SLC44A1: variants seen among roughly 807,000 people sequenced by gnomAD.
The protein encoded by SLC44A1 is solute carrier family 44 member 1.
In SLC44A1, 26 loss-of-function variants were observed where a neutral mutation model predicts 79.3. That is an observed-to-expected ratio of 0.33 (90% CI 0.24 to 0.46). SLC44A1 has a LOEUF of 0.46. SLC44A1 is among the 20% of genes least tolerant of loss of function. The pLI, the probability that SLC44A1 is intolerant of heterozygous loss-of-function variation, is 1.00. For synonymous variants in SLC44A1, 263 were observed against 286.2 expected (o/e 0.92, Z 0.82); for missense variants, 688 against 798.1 (o/e 0.86, Z 1.66).
rs1331858525 is a variant in SLC44A1 at position 105,395,999 on chromosome 9, AGATTTT to A, written c.*6944_*6949del. The A allele has an allele frequency of 1.0e-6, 1 of 984,996 alleles. No homozygotes were observed. Among genetic ancestry groups the A allele is most frequent in the Non-Finnish European group, 1.2e-6 (1 of 829,860 alleles). 61.0% of individuals were successfully genotyped at this position (984,996 alleles called of 1,614,324 possible). On this transcript the variant is annotated 3_prime_UTR_variant, in exon 16 of 16. Coordinates refer to ENST00000374720, the MANE Select transcript of SLC44A1 (RefSeq NM_080546.5). ...TGATTTGAAACAGGGACTATTAAGT[AGATTTT>A]CCCCCATCCTCTAGGTTCCTGTAGT...
intron 2 of SLC44A1, among the ~76,000 whole-genome samples, chr9:105,300,885 C>T (rs1297760542): frequency 6.6e-6 from 1 of 151,794 alleles, no homozygotes; most frequent in Non-Finnish European, 1.5e-5. Flanking sequence ...AAGTGATTCT[C>T]CTTACACAGC....
At chr9:105,298,646 G>A (rs1830793399) in intron 1 of SLC44A1, among the ~76,000 whole-genome samples, 1 of 152,074 alleles carries the variant, frequency 6.6e-6, no homozygotes, top group Non-Finnish European at 1.5e-5. Context: ...CACTGGGCCC[G>A]GCCTGAATAG....
chr9:105,430,185 G>C (rs1353906928), intron 15 of SLC44A1, among the ~76,000 whole-genome samples: 1 of 152,118 alleles, frequency 6.6e-6, no homozygotes, highest in Admixed American at 6.5e-5. Flanking sequence ...GAGCCACCAC[G>C]CCTGGCCTAA....
intron 15 of SLC44A1, chr9:105,386,173 T>C (rs1588858339): frequency 1.0e-6 from 1 of 982,052 alleles, no homozygotes; most frequent in Non-Finnish European, 1.2e-6. Flanking sequence ...TACACAAATA[T>C]ATCTCTCTAC....
At chr9:105,321,461 CAAATT>C (rs112445608) in intron 3 of SLC44A1, among the ~76,000 whole-genome samples, 1,546 of 152,156 alleles carry the variant, frequency 0.01, 5 homozygotes, top group Middle Eastern at 0.051. Context: ...TAGTTTACCT[CAAATT>C]AAATAAGCAA....
exon 16 of SLC44A1, chr9:105,438,385 GA>G (rs759681815): frequency 1.6e-5 from 16 of 1,031,502 alleles, no homozygotes; most frequent in Non-Finnish European, 2.3e-5. Context: ...CTGCGATTAT[GA>G]AGAGCAGGAT....
At chr9:105,296,560 C>T (rs1176753130) in intron 1 of SLC44A1, among the ~76,000 whole-genome samples, 1 of 152,286 alleles carries the variant, frequency 6.6e-6, no homozygotes, top group East Asian at 1.9e-4. Flanking sequence ...CTTCCCTCCC[C>T]ATACATGCTG....
intron 15 of SLC44A1, among the ~76,000 whole-genome samples, chr9:105,437,691 A>G (rs564263079): frequency 6.6e-6 from 1 of 152,294 alleles, no homozygotes; most frequent in South Asian, 2.1e-4. Context: ...ATTGAACCAA[A>G]CTATTAGAAC....
intron 12 of SLC44A1, among the ~76,000 whole-genome samples, chr9:105,368,973 G>A (rs543010757): frequency 6.6e-6 from 1 of 152,336 alleles, no homozygotes; most frequent in South Asian, 2.1e-4. Context: ...GGGAGGTGGA[G>A]GTTGTAGTGA....
intron 1 of SLC44A1, 88 bp from the exon 2 acceptor site, chr9:105,299,132 G>A (rs1830807169): frequency 1.1e-6 from 1 of 879,508 alleles, no homozygotes; most frequent in Non-Finnish European, 1.8e-6. Flanking sequence ...GGCAAAGAAG[G>A]GCTCTAGCTA....
At chr9:105,345,965 G>T in intron 4 of SLC44A1, among the ~76,000 whole-genome samples, 2 of 145,052 alleles carry the variant, frequency 1.4e-5, no homozygotes, top group African/African-American at 2.6e-5. Context: ...CAAACCTCTT[G>T]TGCTAAGTAT....
chr9:105,374,565 G>A, intron 12 of SLC44A1, 33 bp from the exon 13 acceptor site: 1 of 1,592,488 alleles, frequency 6.3e-7, no homozygotes, highest in Non-Finnish European at 8.5e-7. Context: ...AGTTTCAATT[G>A]TTGACGAAAA....
chr9:105,385,896 A>G (rs1459127886), intron 15 of SLC44A1: 1 of 984,932 alleles, frequency 1.0e-6, no homozygotes, highest in Non-Finnish European at 1.2e-6. Context: ...GAAGGTGATC[A>G]TAGCAATTCC....
intron 1 of SLC44A1, among the ~76,000 whole-genome samples, chr9:105,260,925 G>A (rs148226523): frequency 6.6e-6 from 1 of 152,204 alleles, no homozygotes; most frequent in Non-Finnish European, 1.5e-5. Flanking sequence ...GCAAATAATA[G>A]ATCCTCAATA....
At chr9:105,416,039 C>A (rs1209962534) in intron 15 of SLC44A1, among the ~76,000 whole-genome samples, 1 of 151,504 alleles carries the variant, frequency 6.6e-6, no homozygotes, top group Non-Finnish European at 1.5e-5. Flanking sequence ...GTAGCTGAGA[C>A]TATAGGTGCC....
chr9:105,427,473 C>T (rs1037725402), intron 15 of SLC44A1, among the ~76,000 whole-genome samples: 1 of 151,974 alleles, frequency 6.6e-6, no homozygotes, highest in Non-Finnish European at 1.5e-5. Flanking sequence ...AGAGGTCTCA[C>T]TACGTTGCTC....
At chr9:105,275,324 C>T (rs1830174495) in intron 1 of SLC44A1, among the ~76,000 whole-genome samples, 2 of 152,104 alleles carry the variant, frequency 1.3e-5, no homozygotes, top group Non-Finnish European at 2.9e-5. Context: ...AAACAAGTTC[C>T]AAAGTTGAGT....
chr9:105,344,227 A>G (rs1276049724), intron 4 of SLC44A1, among the ~76,000 whole-genome samples: 1 of 152,186 alleles, frequency 6.6e-6, no homozygotes, highest in Non-Finnish European at 1.5e-5. Flanking sequence ...GTGGTGGTAA[A>G]TTAAACAAAA....
At chr9:105,307,842 T>C (rs1032072395) in intron 2 of SLC44A1, among the ~76,000 whole-genome samples, 1 of 152,028 alleles carries the variant, frequency 6.6e-6, no homozygotes, top group African/African-American at 2.4e-5. Context: ...TGTCTTAGCA[T>C]TGGGTTGAAG....
Sources: gnomAD v4.1 joint callset for allele counts (sites outside exome capture counted in the v4.1 genomes callset) on GRCh38, gnomAD v4.1.1 for gene constraint, MANE v1.5 for transcripts, NCBI Gene and HGNC (gene_info 2026-07-23, HGNC 2026-07-21) for gene names.